Variants in RSBN1L observed in about 807,000 individuals in gnomAD.
RSBN1L encodes lysine-specific demethylase RSBN1L.
Under a neutral mutation model 67.7 loss-of-function variants are expected in RSBN1L, and 30 were observed. That is an observed-to-expected ratio of 0.44 (90% CI 0.33 to 0.60). RSBN1L has a LOEUF of 0.60. RSBN1L is among the 20% of genes least tolerant of loss of function. The probability of loss-of-function intolerance (pLI) is 0.02; values close to 1 mark genes in which losing one functional copy is unlikely to be tolerated. For missense variants in RSBN1L, 992 were observed against 1,031.7 expected (o/e 0.96, Z 0.53); for synonymous variants, 433 against 387.0 (o/e 1.12, Z -1.39).
In RSBN1L at chr7:77,696,810, C is replaced by T. The variant is rs561315785; in HGVS notation, c.341C>T (p.Ser114Phe). The T allele has an allele frequency of 1.9e-6, 3 of 1,613,730 alleles. No homozygotes were observed. Among genetic ancestry groups the T allele is most frequent in the African/African-American group, 2.7e-5 (2 of 75,070 alleles). Residue 114 changes from serine to phenylalanine, a missense_variant, in exon 1 of 8, where the codon TCC becomes TTC. Transcript: ENST00000334955. ...FSFSAGTAVPSSASASLSQPV... is the reference protein window; with the variant it reads ...FSFSAGTAVPFSASASLSQPV... ...TTCTCCGCTGGCACGGCCGTTCCCT[C>T]CTCAGCCTCCGCTTCCTTGTCTCAG... is the stretch of plus-strand genomic sequence containing the variant.
intron 1 of RSBN1L, among the ~76,000 whole-genome samples, chr7:77,728,908 A>AT (rs1181659821): frequency 6.6e-6 from 1 of 152,136 alleles, no homozygotes; most frequent in Admixed American, 6.5e-5. Flanking sequence ...GTTCTGGGAT[A>AT]TTGCTAACGA....
intron 3 of RSBN1L, among the ~76,000 whole-genome samples, chr7:77,757,862 T>C (rs1395434882): frequency 6.6e-6 from 1 of 152,174 alleles, no homozygotes; most frequent in African/African-American, 2.4e-5. Context: ...AGCTTCTGCT[T>C]GTGTTGTGTT....
intron 1 of RSBN1L, among the ~76,000 whole-genome samples, chr7:77,712,425 C>T (rs1436677652): frequency 1.3e-5 from 2 of 152,128 alleles, no homozygotes; most frequent in Admixed American, 1.3e-4. Flanking sequence ...GAATTATAGA[C>T]ACGTGCCATC....
chr7:77,730,887 A>G (rs1463187072), intron 1 of RSBN1L, among the ~76,000 whole-genome samples: 1 of 152,210 alleles, frequency 6.6e-6, no homozygotes, highest in East Asian at 1.9e-4. Flanking sequence ...TTAGATAAAT[A>G]CCATAGACTG....
At position 77,764,796 on chromosome 7, in the gene RSBN1L, G is replaced by C. The variant is rs560130372; in HGVS notation, c.1345-699G>C. Among the ~76,000 whole-genome samples, 19 of 152,002 alleles carry C rather than the reference G, an allele frequency of 1.2e-4. 1 individual carries two copies. In the East Asian group the frequency reaches 3.5e-3, roughly 28 times the overall value. On this transcript the variant is annotated intron_variant, in intron 3 of 7. Coordinates refer to ENST00000334955, the MANE Select transcript of RSBN1L (RefSeq NM_198467.3). ...CGCGCGCCGGCCACCACACTCGGCT[G>C]ATTTTTTTGTATTATTAGTAGAGAC...
rs199968871 is a variant in RSBN1L at position 77,760,721 on chromosome 7, C to T, written c.1345-4774C>T. 2.4e-4 allele frequency among the ~76,000 whole-genome samples: 37 copies of T among 152,304 alleles called. No homozygotes were observed. In the East Asian group the frequency reaches 7.1e-3, roughly 29 times the overall value. On this transcript the variant is annotated intron_variant, in intron 3 of 7. Transcript: ENST00000334955. The stretch of plus-strand genomic sequence containing the variant: ...CGATCTCGCTGGCTGCAACCTCCGC[C>T]TCCTGGGTTCAAGCATTCTCGTGCC...
chr7:77,765,722 T>C, intron 4 of RSBN1L, 90 bp downstream of exon 4: 1 of 975,634 alleles, frequency 1.0e-6, no homozygotes, highest in Non-Finnish European at 1.5e-6. Context: ...GATTGTTTCT[T>C]TCATGCTACA....
chr7:77,768,759 G>A lies in RSBN1L; in HGVS notation c.1581G>A (p.Met527Ile). The change falls in exon 5 of 8, where the codon ATG (methionine) becomes ATA (isoleucine). Residue 527 changes from methionine to isoleucine, a missense_variant. Transcript: ENST00000334955. ...PIMWVRPGEQ[M>I]IPVADMPKSP... ...TGTGGGTTCGTCCAGGAGAACAAAT[G>A]ATCCCTGTGGCTGATATGCCAAAGT... 6.2e-7 allele frequency: 1 copy of A among 1,614,058 alleles called. No homozygotes were observed. Among genetic ancestry groups the A allele is most frequent in the Non-Finnish European group, 8.5e-7 (1 of 1,179,970 alleles).
At chr7:77,742,164 TA>T (rs1350455602) in intron 2 of RSBN1L, among the ~76,000 whole-genome samples, 9,909 of 100,096 alleles carry the variant, frequency 0.099, 717 homozygotes, top group African/African-American at 0.14. Flanking sequence ...AACCCATCTT[TA>T]AAAAAAAAAA....
intron 1 of RSBN1L, among the ~76,000 whole-genome samples, chr7:77,727,606 T>C (rs1318240758): frequency 6.6e-6 from 1 of 151,882 alleles, no homozygotes; most frequent in Non-Finnish European, 1.5e-5. Context: ...CCCACCTTAC[T>C]CAGCTAATTA....
At chr7:77,717,544 A>G (rs1218883898) in intron 1 of RSBN1L, among the ~76,000 whole-genome samples, 1 of 152,236 alleles carries the variant, frequency 6.6e-6, no homozygotes, top group Non-Finnish European at 1.5e-5. Context: ...GCAGAGATAA[A>G]TATTTTTGGT....
At chr7:77,755,494 C>T (rs1316857318) in intron 3 of RSBN1L, among the ~76,000 whole-genome samples, 2 of 151,772 alleles carry the variant, frequency 1.3e-5, no homozygotes, top group African/African-American at 2.4e-5. Context: ...GGTGAAACTC[C>T]GTCTCTACTA....
In RSBN1L at chr7:77,720,981, ATCTG is replaced by A. The variant is rs530904571; in HGVS notation, c.587-15428_587-15425del. Among the ~76,000 whole-genome samples the A allele has an allele frequency of 2.4e-4, 37 of 151,674 alleles. No individual in the cohort carries two copies. The South Asian group carries it at 7.7e-3, about 32-fold the overall frequency. ...CATTTTGGTCATATGACCTCAAGTGATCTGCCTGCCTCGGCATGCCAAAGTGCTG... is the reference window on the plus strand; with the variant it reads ...CATTTTGGTCATATGACCTCAAGTGACCTGCCTCGGCATGCCAAAGTGCTG... On this transcript the variant is annotated intron_variant, in intron 1 of 7. Coordinates refer to ENST00000334955, the MANE Select transcript of RSBN1L (RefSeq NM_198467.3).
chr7:77,739,813 G>A (rs1218194159), intron 2 of RSBN1L, among the ~76,000 whole-genome samples: 20 of 121,490 alleles, frequency 1.6e-4, no homozygotes, highest in African/African-American at 6.0e-4. Flanking sequence ...GCAGTGGCGC[G>A]ATCTCGGCTC....
intron 1 of RSBN1L, among the ~76,000 whole-genome samples, chr7:77,715,575 C>G (rs1228982494): frequency 6.6e-6 from 1 of 152,124 alleles, no homozygotes; most frequent in Non-Finnish European, 1.5e-5. Context: ...TCTCAAAGTG[C>G]TAGAATTACA....
At chr7:77,697,840 G>A (rs909502779) in intron 1 of RSBN1L, among the ~76,000 whole-genome samples, 3 of 152,186 alleles carry the variant, frequency 2.0e-5, no homozygotes, top group Non-Finnish European at 2.9e-5. Flanking sequence ...GACAGGGTCA[G>A]TTTTGTTTTT....
At chr7:77,770,801 C>G (rs1791838329) in intron 5 of RSBN1L, among the ~76,000 whole-genome samples, 1 of 151,924 alleles carries the variant, frequency 6.6e-6, no homozygotes, top group African/African-American at 2.4e-5. Flanking sequence ...TTGTTTTTAT[C>G]CAAAGAAATA....
intron 3 of RSBN1L, among the ~76,000 whole-genome samples, chr7:77,750,476 A>G (rs1000158627): frequency 1.4e-4 from 22 of 152,150 alleles, no homozygotes; most frequent in Admixed American, 7.9e-4. Context: ...TAGGTACTGA[A>G]GAAATGTTGG....
At chr7:77,705,738 C>T (rs887253754) in intron 1 of RSBN1L, among the ~76,000 whole-genome samples, 3 of 151,864 alleles carry the variant, frequency 2.0e-5, no homozygotes, top group African/African-American at 7.3e-5. Flanking sequence ...TCTTGAACTC[C>T]TGACCTCAGG....
Sources: gnomAD v4.1 joint callset for allele counts (sites outside exome capture counted in the v4.1 genomes callset) on GRCh38, gnomAD v4.1.1 for gene constraint, MANE v1.5 for transcripts, NCBI Gene and HGNC (gene_info 2026-07-23, HGNC 2026-07-21) for gene names.